The following PMS1 variants were observed in gnomAD, a reference collection of about 807,000 sequenced individuals.
PMS1 encodes the protein PMS1 homolog 1, mismatch repair system component.
In PMS1, 79 loss-of-function variants were observed where a neutral mutation model predicts 93.1. That is an observed-to-expected ratio of 0.85 (90% CI 0.71 to 1.02). The LOEUF is 1.02. PMS1 is among the 50% of genes least tolerant of loss of function. The pLI is 0.00. For synonymous variants in PMS1, 335 were observed against 363.4 expected (o/e 0.92, Z 0.89); for missense variants, 1,064 against 1,085.3 (o/e 0.98, Z 0.28).
intron 5 of PMS1, among the ~76,000 whole-genome samples, chr2:189,818,927 A>C (rs141709031): frequency 6.6e-5 from 10 of 152,282 alleles, no homozygotes; most frequent in Non-Finnish European, 1.2e-4. Flanking sequence ...TGTCAGGAGG[A>C]TACAAGTGTA....
Position 189,788,519 on chromosome 2 carries a change from T to G in PMS1, c.-20-3271T>G, listed in dbSNP as rs1184314153. Among the ~76,000 whole-genome samples, 3 of 152,216 alleles carry G rather than the reference T, an allele frequency of 2.0e-5. No homozygotes were observed. The East Asian group carries it at 5.8e-4, about 29-fold the overall frequency. On this transcript the variant is annotated intron_variant, in intron 1 of 12. Transcript: ENST00000441310. ...ATATCTGTTAGTGTAAGAGCTAGGA[T>G]AAAACCAAAGTAGTGTGATTTCAGA...
intron 5 of PMS1, among the ~76,000 whole-genome samples, chr2:189,841,171 T>C (rs1043646422): frequency 6.6e-6 from 1 of 152,198 alleles, no homozygotes; most frequent in Non-Finnish European, 1.5e-5. Context: ...TTTCTTTGGG[T>C]GTAACAATTT....
chr2:189,847,847 C>T (rs2054381344), intron 6 of PMS1, among the ~76,000 whole-genome samples: 1 of 152,104 alleles, frequency 6.6e-6, no homozygotes, highest in African/African-American at 2.4e-5. Flanking sequence ...GTTGAAACCT[C>T]CTCTGCTACT....
intron 9 of PMS1, among the ~76,000 whole-genome samples, chr2:189,862,190 A>G (rs557358583): frequency 6.6e-6 from 1 of 152,252 alleles, no homozygotes; most frequent in East Asian, 1.9e-4. Flanking sequence ...TGTAAAAACA[A>G]CACATTTTAT....
At chr2:189,860,985 A>G (rs1374526017) in intron 9 of PMS1, among the ~76,000 whole-genome samples, 1 of 151,486 alleles carries the variant, frequency 6.6e-6, no homozygotes, top group African/African-American at 2.4e-5. Context: ...AGTGTAGACA[A>G]AGTTCGTTGT....
At chr2:189,811,281 GA>G (rs370077425) in intron 4 of PMS1, among the ~76,000 whole-genome samples, 14,566 of 113,576 alleles carry the variant, frequency 0.13, 1,360 homozygotes, top group African/African-American at 0.29. Flanking sequence ...AACAAAATCT[GA>G]AAAAAAAAAA....
intron 5 of PMS1, among the ~76,000 whole-genome samples, chr2:189,829,874 C>A (rs1339599666): frequency 1.3e-5 from 2 of 152,184 alleles, no homozygotes; most frequent in Admixed American, 6.5e-5. Flanking sequence ...TGGTCCAAGC[C>A]ACCATTATCT....
rs777768838 is a variant in PMS1, at chr2:189,875,474, C to T, written c.2635-1798C>T. Among the ~76,000 whole-genome samples, 47 of 152,028 alleles carry T rather than the reference C, an allele frequency of 3.1e-4. No homozygotes were observed. The Middle Eastern group carries it at 0.017, about 55-fold the overall frequency. On this transcript the variant is annotated intron_variant, in intron 12 of 12. Coordinates refer to ENST00000441310, the MANE Select transcript of PMS1 (RefSeq NM_000534.5). Reference sequence around the variant, plus strand: ...GGAAAAACATCCATGTATAAGTGGACCCACACAGTTAAAACCAGTGTTGTT... The same window carrying T: ...GGAAAAACATCCATGTATAAGTGGATCCACACAGTTAAAACCAGTGTTGTT...
At chr2:189,801,563 T>C (rs1311687165) in intron 3 of PMS1, among the ~76,000 whole-genome samples, 1 of 152,236 alleles carries the variant, frequency 6.6e-6, no homozygotes, top group African/African-American at 2.4e-5. Context: ...ACAACATTTT[T>C]GAACTGGATT....
chr2:189,819,167 C>T (rs902447756), intron 5 of PMS1, among the ~76,000 whole-genome samples: 15 of 152,206 alleles, frequency 9.9e-5, no homozygotes, highest in African/African-American at 2.7e-4. Flanking sequence ...CTGAGTTTCA[C>T]TTAAGATAAT....
rs771930754 is a variant in PMS1, at chr2:189,791,827, G to A, written c.18G>A (p.Ala6=). MKQLP[A]ATVRLLSSSQ... Reference sequence around the variant, plus strand: ...AAGCGAAAATGAAACAATTGCCTGCGGCAACAGTTCGACTCCTTTCAAGTT... The same window carrying A: ...AAGCGAAAATGAAACAATTGCCTGCAGCAACAGTTCGACTCCTTTCAAGTT... Residue 6 remains alanine, a synonymous_variant, in exon 2 of 13, where the codon GCG becomes GCA. Coordinates refer to ENST00000441310, the MANE Select transcript of PMS1 (RefSeq NM_000534.5). 1.1e-5 allele frequency: 18 copies of A among 1,613,770 alleles called. No individual in the cohort carries two copies. The highest frequency in any genetic ancestry group is 1.3e-5 in the African/African-American group (1 of 74,902).
At position 189,867,700 on chromosome 2, in the gene PMS1, A is replaced by G. The variant is rs5743172; in HGVS notation, c.2343-99A>G. 360 of 798,406 alleles carry G rather than the reference A, an allele frequency of 4.5e-4. No homozygotes were observed. The African/African-American group carries it at 5.8e-3, about 13-fold the overall frequency. The allele number at this position is 798,406 out of a possible 1,614,324, so 49.5% of individuals were successfully genotyped here. ...TTATACCTTTGTATTTTGGTTAATGATGATAACACTTGTCAAAGGGCCCTA... is the reference window on the plus strand; with the variant it reads ...TTATACCTTTGTATTTTGGTTAATGGTGATAACACTTGTCAAAGGGCCCTA... On this transcript the variant is annotated intron_variant, in intron 10 of 12. Coordinates refer to ENST00000441310, the MANE Select transcript of PMS1 (RefSeq NM_000534.5).
chr2:189,786,866 A>G (rs1024129681), intron 1 of PMS1, among the ~76,000 whole-genome samples: 1 of 152,178 alleles, frequency 6.6e-6, no homozygotes, highest in African/African-American at 2.4e-5. Flanking sequence ...AGCCTGGCCA[A>G]CATGGTGAAA....
At chr2:189,862,125 A>G (rs2056082097) in intron 9 of PMS1, among the ~76,000 whole-genome samples, 1 of 151,980 alleles carries the variant, frequency 6.6e-6, no homozygotes, top group Non-Finnish European at 1.5e-5. Context: ...TATATATTAG[A>G]TTGTTTGTTT....
rs555627564 is a variant in PMS1 at position 189,871,040 on chromosome 2, G to A, written c.2474-2456G>A. On this transcript the variant is annotated intron_variant, in intron 11 of 12. Transcript: ENST00000441310. ...GCTGTACATGAAGCATAGTGCCAGC[G>A]TCTGCTTTCCTTTTACATATAAGTT... 2.2e-4 allele frequency among the ~76,000 whole-genome samples: 33 copies of A among 152,234 alleles called. 3 individuals are homozygous for A. In the South Asian group the frequency reaches 2.9e-3, roughly 13 times the overall value.
intron 11 of PMS1, among the ~76,000 whole-genome samples, chr2:189,869,816 TAAA>T (rs398060888): frequency 1.5e-5 from 2 of 134,884 alleles, no homozygotes; most frequent in Admixed American, 7.4e-5. Flanking sequence ...GACTCCATCT[TAAA>T]AAAAAAAAAA....
At chr2:189,817,294 A>G (rs1313489811) in intron 4 of PMS1, among the ~76,000 whole-genome samples, 2 of 152,182 alleles carry the variant, frequency 1.3e-5, no homozygotes, top group Admixed American at 6.5e-5. Flanking sequence ...ACATGGGGAG[A>G]TTGATTTCAT....
At chr2:189,786,506 G>A (rs1157195408) in intron 1 of PMS1, among the ~76,000 whole-genome samples, 1 of 152,142 alleles carries the variant, frequency 6.6e-6, no homozygotes, top group South Asian at 2.1e-4. Context: ...TGACTTCAAG[G>A]TTTCTAATTT....
At chr2:189,844,848 A>G (rs906922643) in intron 6 of PMS1, among the ~76,000 whole-genome samples, 1 of 151,348 alleles carries the variant, frequency 6.6e-6, no homozygotes, top group African/African-American at 2.4e-5. Context: ...AATTATATAT[A>G]TAATTTTTTT....
Sources: allele counts gnomAD v4.1 joint callset (sites outside exome capture counted in the v4.1 genomes callset), GRCh38; gene constraint gnomAD v4.1.1; transcripts MANE v1.5; gene names NCBI Gene and HGNC (gene_info 2026-07-23, HGNC 2026-07-21).